Variants in ANXA6 observed in about 807,000 individuals in gnomAD.
ANXA6 encodes annexin A6.
ANXA6 carries 71 observed loss-of-function variants against 95.4 expected under a neutral mutation model. The observed-to-expected ratio is 0.74, with a 90% CI of 0.61 to 0.91. ANXA6 has a LOEUF of 0.91. Ranked by LOEUF, ANXA6 falls within the 40% of genes least tolerant of loss-of-function variation. The probability of loss-of-function intolerance (pLI) is 0.00; values close to 1 mark genes in which losing one functional copy is unlikely to be tolerated. For missense variants in ANXA6, 830 were observed against 876.4 expected (o/e 0.95, Z 0.67); for synonymous variants, 289 against 315.9 (o/e 0.91, Z 0.90).
intron 23 of ANXA6, among the ~76,000 whole-genome samples, chr5:151,108,052 C>G (rs1322797556): frequency 6.6e-6 from 1 of 151,756 alleles, no homozygotes; most frequent in East Asian, 1.9e-4. Context: ...GTGCACCTGT[C>G]ACATGCATAT....
chr5:151,103,772 C>G (rs1190883043), intron 24 of ANXA6, 80 bp from the exon 25 acceptor site: 4 of 1,472,948 alleles, frequency 2.7e-6, no homozygotes, highest in Non-Finnish European at 3.6e-6. Context: ...GGTATCCCAT[C>G]TGCCTTTCTC....
At position 151,126,543 on chromosome 5, in the gene ANXA6, AACACACACACAC is replaced by A. The variant is rs3079845; in HGVS notation, c.978-75_978-64del. ...TGTCATCATGGGCAACACTCACACCAACACACACACACACACACACACACACACCCCAACACA... is the reference window on the plus strand; with the variant it reads ...TGTCATCATGGGCAACACTCACACCAACACACACACACACACCCCAACACA... On this transcript the variant is annotated intron_variant, in intron 13 of 25. Coordinates refer to ENST00000354546, the MANE Select transcript of ANXA6 (RefSeq NM_001155.5). 6,830 of 810,912 alleles carry A rather than the reference AACACACACACAC, an allele frequency of 8.4e-3. 111 individuals are homozygous for A. Among genetic ancestry groups the A allele is most frequent in the African/African-American group, 0.063 (3,667 of 58,330 alleles). 50.2% of individuals were successfully genotyped at this position (810,912 alleles called of 1,614,324 possible).
intron 20 of ANXA6, among the ~76,000 whole-genome samples, chr5:151,112,124 C>T (rs756997611): frequency 7.2e-5 from 11 of 152,054 alleles, no homozygotes; most frequent in Non-Finnish European, 1.5e-4. Context: ...TGTAAACCAT[C>T]CTGAGATTGA....
chr5:151,145,912 C>T (rs1021562208), intron 2 of ANXA6, among the ~76,000 whole-genome samples: 1 of 152,120 alleles, frequency 6.6e-6, no homozygotes, highest in Non-Finnish European at 1.5e-5. Flanking sequence ...TTGTTCCTCC[C>T]CTGAGTAGCT....
Position 151,119,314 on chromosome 5 carries a change from T to C in ANXA6, c.1424A>G (p.Glu475Gly). The C allele has an allele frequency of 6.2e-7, 1 of 1,613,278 alleles. No individual in the cohort carries two copies. The highest frequency in any genetic ancestry group is 8.5e-7 in the Non-Finnish European group (1 of 1,179,840). The change falls in exon 18 of 26, where the codon GAG (glutamate) becomes GGG (glycine). Residue 475 changes from glutamate to glycine, a missense_variant. Glu to Gly is a moderately conservative substitution (Grantham distance 98). Coordinates refer to ENST00000354546, the MANE Select transcript of ANXA6 (RefSeq NM_001155.5). ...RTNAEIRAIN[E>G]AYKEDYHKSL... ...CCCAAACTCACCCTCCTTATAGGCC[T>C]CATTGATGGCCCGGATTTCAGCATT...
At chr5:151,148,608 T>C (rs1441881437) in intron 1 of ANXA6, among the ~76,000 whole-genome samples, 1 of 152,212 alleles carries the variant, frequency 6.6e-6, no homozygotes, top group Non-Finnish European at 1.5e-5. Flanking sequence ...AAATTCTGTT[T>C]CTCTAGAGCT....
At chr5:151,132,448 C>A in intron 10 of ANXA6, 28 bp downstream of exon 10, 2 of 1,561,034 alleles carry the variant, frequency 1.3e-6, no homozygotes, top group Non-Finnish European at 1.8e-6. Context: ...TCCCCTAAAG[C>A]CCCCAGGAAT....
intron 20 of ANXA6, among the ~76,000 whole-genome samples, chr5:151,111,245 CA>C (rs1478463945): frequency 6.6e-6 from 1 of 152,206 alleles, no homozygotes; most frequent in Non-Finnish European, 1.5e-5. Context: ...ATGCAGAGCA[CA>C]AAATTCTGTG....
chr5:151,105,729 G>A (rs576957272), intron 23 of ANXA6, among the ~76,000 whole-genome samples: 16 of 152,230 alleles, frequency 1.1e-4, no homozygotes, highest in African/African-American at 3.4e-4. Flanking sequence ...TGTGGTTTCC[G>A]GACCAACAAC....
chr5:151,124,404 AG>A, intron 14 of ANXA6, 37 bp from the exon 15 acceptor site: 1 of 1,576,232 alleles, frequency 6.3e-7, no homozygotes, highest in Non-Finnish European at 8.6e-7. Context: ...AGGTGTCTGA[AG>A]GCCCCCCTGG....
chr5:151,141,094 G>C (rs749882009), intron 2 of ANXA6, among the ~76,000 whole-genome samples: 1 of 152,260 alleles, frequency 6.6e-6, no homozygotes, highest in Non-Finnish European at 1.5e-5. Context: ...GGAGAGAAGC[G>C]GCAGAGAGCC....
At chr5:151,126,918 T>C (rs1449344882) in intron 13 of ANXA6, among the ~76,000 whole-genome samples, 1 of 152,206 alleles carries the variant, frequency 6.6e-6, no homozygotes, top group African/African-American at 2.4e-5. Context: ...GGTTTCGCCA[T>C]GTTGGCCAGG....
At position 151,145,095 on chromosome 5, in the gene ANXA6, G is replaced by A. The variant is rs143848988; in HGVS notation, c.18+2789C>T. Among the ~76,000 whole-genome samples, 43 of 152,320 alleles carry A rather than the reference G, an allele frequency of 2.8e-4. No homozygotes were observed. In the East Asian group the frequency reaches 6.4e-3, roughly 23 times the overall value. On this transcript the variant is annotated intron_variant, in intron 2 of 25. Transcript: ENST00000354546. Reference sequence around the variant, plus strand: ...GCTGCGGGAACCCAGGATCAAGGCAGGGGACAGCAGAGAAGGGACTTTCCA... The same window carrying A: ...GCTGCGGGAACCCAGGATCAAGGCAAGGGACAGCAGAGAAGGGACTTTCCA...
rs373449145 is a variant in ANXA6, at chr5:151,117,190, G to A, written c.1519-10C>T. 1.9e-6 allele frequency: 3 copies of A among 1,586,844 alleles called. No homozygotes were observed. Among genetic ancestry groups the A allele is most frequent in the South Asian group, 1.1e-5 (1 of 88,204 alleles). On this transcript the variant is annotated splice_polypyrimidine_tract_variant and intron_variant, in intron 19 of 25. Coordinates refer to ENST00000354546, the MANE Select transcript of ANXA6 (RefSeq NM_001155.5). ...CCTCCTCACGATGCCCCTGCAGCAG[G>A]AGCAGCAAGAAAGTTCAGTCCCCAA...
chr5:151,129,651 A>G (rs1765436703), intron 11 of ANXA6, 122 bp from the exon 12 acceptor site: 2 of 1,134,054 alleles, frequency 1.8e-6, no homozygotes, highest in South Asian at 3.2e-5. Flanking sequence ...CAAAAGAAGC[A>G]GACATTGCCA....
chr5:151,138,475 G>C (rs1765732299), intron 5 of ANXA6, among the ~76,000 whole-genome samples: 1 of 152,170 alleles, frequency 6.6e-6, no homozygotes, highest in South Asian at 2.1e-4. Context: ...CTCCTGGTAA[G>C]GGGGTCTGCA....
chr5:151,110,603 C>T, intron 21 of ANXA6, 24 bp downstream of exon 21: 1 of 1,612,808 alleles, frequency 6.2e-7, no homozygotes, highest in Non-Finnish European at 8.5e-7. Context: ...CCGTTAAAAC[C>T]CAAATGAAGA....
rs1424858173 is a variant in ANXA6 at position 151,153,635 on chromosome 5, T to C, written c.-26+4045A>G. ...AGGTTGTCTGACTCGAGACTTTCAT[T>C]GTCTTTGAGTGATTTTACAGGTCAG... On this transcript the variant is annotated intron_variant, in intron 1 of 25. Transcript: ENST00000354546. 1.6e-4 allele frequency among the ~76,000 whole-genome samples: 24 copies of C among 152,220 alleles called. 1 individual carries two copies. The highest frequency in any genetic ancestry group is 1.6e-3 in the Admixed American group (24 of 15,282).
intron 8 of ANXA6, 114 bp downstream of exon 8, chr5:151,134,313 A>T: frequency 3.0e-6 from 3 of 994,576 alleles, no homozygotes; most frequent in Non-Finnish European, 1.6e-6. Flanking sequence ...TGGCTGGGTT[A>T]TTTCTGGTAT....
Sources: allele counts gnomAD v4.1 joint callset (sites outside exome capture counted in the v4.1 genomes callset), GRCh38; gene constraint gnomAD v4.1.1; transcripts MANE v1.5; gene names NCBI Gene and HGNC (gene_info 2026-07-23, HGNC 2026-07-21).